DGKB: variants seen among roughly 807,000 people sequenced by gnomAD.
The protein encoded by DGKB is 90 kDa diacylglycerol kinase.
In DGKB, 67 loss-of-function variants were observed where a neutral mutation model predicts 114.3. That is an observed-to-expected ratio of 0.59 (90% confidence interval 0.48 to 0.72). The LOEUF (loss-of-function observed/expected upper bound fraction) is 0.72, where lower values mean the gene tolerates loss of function less well. Among genes scored for constraint, DGKB ranks in the 30% least tolerant of loss-of-function variants. The pLI, the probability that DGKB is intolerant of heterozygous loss-of-function variation, is 0.00. For missense variants in DGKB, 907 were observed against 975.2 expected (o/e 0.93, Z 0.93); for synonymous variants, 398 against 323.1 (o/e 1.23, Z -2.49).
At chr7:14,306,438 CTTT>C (rs773847279) in intron 23 of DGKB, among the ~76,000 whole-genome samples, 1 of 151,908 alleles carries the variant, frequency 6.6e-6, no homozygotes, top group Admixed American at 6.6e-5. Flanking sequence ...AATGCTCACT[CTTT>C]TTTTCTGGTC....
intron 23 of DGKB, among the ~76,000 whole-genome samples, chr7:14,333,949 C>T (rs1562956233): frequency 2.0e-5 from 3 of 152,128 alleles, no homozygotes; most frequent in Non-Finnish European, 4.4e-5. Flanking sequence ...GCTGCTTACA[C>T]GCAGTTGTGA....
At chr7:14,853,198 C>T (rs1454505398) in intron 1 of DGKB, among the ~76,000 whole-genome samples, 1 of 152,010 alleles carries the variant, frequency 6.6e-6, no homozygotes, top group Non-Finnish European at 1.5e-5. Flanking sequence ...CACTGAGAAA[C>T]AAATAATGCT....
chr7:14,848,886 C>T (rs1158631992), intron 1 of DGKB, among the ~76,000 whole-genome samples: 1 of 152,026 alleles, frequency 6.6e-6, no homozygotes, highest in Non-Finnish European at 1.5e-5. Flanking sequence ...TTCTGACCAA[C>T]CCTGCATATC....
At chr7:14,562,259 T>A (rs1242839860) in intron 20 of DGKB, among the ~76,000 whole-genome samples, 1 of 152,206 alleles carries the variant, frequency 6.6e-6, no homozygotes, top group Non-Finnish European at 1.5e-5. Flanking sequence ...AACATCTGGA[T>A]ATCCAGGAAG....
intron 1 of DGKB, among the ~76,000 whole-genome samples, chr7:14,874,566 T>C (rs2056490686): frequency 1.3e-5 from 2 of 151,994 alleles, no homozygotes; most frequent in Admixed American, 1.3e-4. Flanking sequence ...TCTCTCTCTC[T>C]TTTTCTATAT....
At chr7:14,431,248 A>C (rs1304830261) in intron 21 of DGKB, among the ~76,000 whole-genome samples, 2 of 152,242 alleles carry the variant, frequency 1.3e-5, no homozygotes, top group South Asian at 2.1e-4. Flanking sequence ...CTGAACCATC[A>C]GCCATTCTGC....
chr7:14,313,166 T>C (rs928725424), intron 23 of DGKB, among the ~76,000 whole-genome samples: 1 of 152,214 alleles, frequency 6.6e-6, no homozygotes, highest in Non-Finnish European at 1.5e-5. Context: ...CCAAAAGTAT[T>C]TGAACAGATT....
intron 1 of DGKB, among the ~76,000 whole-genome samples, chr7:14,962,618 CTGTGTGTGTGTGTGTGTTTGTGTG>C (rs1562906980): frequency 2.1e-5 from 3 of 140,456 alleles, no homozygotes; most frequent in African/African-American, 8.3e-5. Flanking sequence ...ATAGCTATAG[CTGTGTGTGTGTGTGTGTTTGTGTG>C]TGTGTGTGTG....
intron 13 of DGKB, among the ~76,000 whole-genome samples, chr7:14,659,322 C>G (rs1410568447): frequency 2.6e-5 from 4 of 152,088 alleles, no homozygotes; most frequent in African/African-American, 9.7e-5. Context: ...TTACCCTGGG[C>G]AGTATGGCAA....
chr7:14,552,228 C>T (rs918056862), intron 20 of DGKB, among the ~76,000 whole-genome samples: 7 of 152,102 alleles, frequency 4.6e-5, no homozygotes, highest in African/African-American at 1.7e-4. Flanking sequence ...TTTCTGGCAA[C>T]ATGTTCATCT....
intron 7 of DGKB, among the ~76,000 whole-genome samples, chr7:14,700,317 G>T (rs1012414463): frequency 1.3e-5 from 2 of 151,444 alleles, no homozygotes; most frequent in Non-Finnish European, 2.9e-5. Flanking sequence ...GGGTTCAAGC[G>T]GTTCTCCTGC....
At chr7:14,829,463 A>C (rs1282143862) in intron 2 of DGKB, among the ~76,000 whole-genome samples, 2 of 152,128 alleles carry the variant, frequency 1.3e-5, no homozygotes, top group Non-Finnish European at 2.9e-5. Flanking sequence ...ACTTGAAAGA[A>C]TCTGTGACAG....
chr7:14,234,525 C>T (rs1792458213), intron 23 of DGKB, among the ~76,000 whole-genome samples: 1 of 151,938 alleles, frequency 6.6e-6, no homozygotes, highest in African/African-American at 2.4e-5. Context: ...CTCCAAATGC[C>T]AAATAAATTG....
At chr7:14,674,851 G>C (rs914330799) in intron 12 of DGKB, among the ~76,000 whole-genome samples, 2 of 152,070 alleles carry the variant, frequency 1.3e-5, no homozygotes, top group African/African-American at 4.8e-5. Flanking sequence ...TTCAGAGGGA[G>C]GATGACCTGC....
intron 1 of DGKB, among the ~76,000 whole-genome samples, chr7:14,853,335 C>A (rs934108476): frequency 1.3e-5 from 2 of 152,022 alleles, no homozygotes; most frequent in South Asian, 4.2e-4. Flanking sequence ...TTGCCTTATA[C>A]CTTTCATGTA....
chr7:14,865,623 T>A (rs1431694546), intron 1 of DGKB, among the ~76,000 whole-genome samples: 1 of 152,206 alleles, frequency 6.6e-6, no homozygotes, highest in Non-Finnish European at 1.5e-5. Flanking sequence ...GGTTCCTGTA[T>A]CTTGGCTGAA....
At chr7:14,193,520 A>C (rs1041781245) in intron 23 of DGKB, among the ~76,000 whole-genome samples, 1 of 152,218 alleles carries the variant, frequency 6.6e-6, no homozygotes, top group African/African-American at 2.4e-5. Flanking sequence ...CTAGACCCTG[A>C]CTCATGTTAT....
chr7:14,162,414 A>C (rs1784039319), intron 25 of DGKB, among the ~76,000 whole-genome samples: 1 of 152,178 alleles, frequency 6.6e-6, no homozygotes, highest in Non-Finnish European at 1.5e-5. Context: ...AAGTACATAC[A>C]GTTTTATCAT....
chr7:14,845,959 A>T (rs940685214), intron 1 of DGKB, among the ~76,000 whole-genome samples: 12 of 152,194 alleles, frequency 7.9e-5, no homozygotes, highest in Non-Finnish European at 1.5e-4. Context: ...TTCCCAAGGG[A>T]TGCCTTGTGA....
Sources: gnomAD v4.1 joint callset for allele counts (sites outside exome capture counted in the v4.1 genomes callset) on GRCh38, gnomAD v4.1.1 for gene constraint, MANE v1.5 for transcripts, NCBI Gene and HGNC (gene_info 2026-07-23, HGNC 2026-07-21) for gene names.